CWF19L2: variants seen among roughly 807,000 people sequenced by gnomAD.
The protein encoded by CWF19L2 is CWF19-like protein 2.
A neutral mutation model predicts 111.7 loss-of-function variants in CWF19L2; 98 were observed. That is an observed-to-expected ratio of 0.88 (90% confidence interval 0.75 to 1.04). The LOEUF (loss-of-function observed/expected upper bound fraction) is 1.04. CWF19L2 is among the 50% of genes least tolerant of loss of function. The pLI is 0.00. For missense variants in CWF19L2, 1,101 were observed against 1,051.4 expected (o/e 1.05, Z -0.65); for synonymous variants, 351 against 342.9 (o/e 1.02, Z -0.26).
intron 10 of CWF19L2, among the ~76,000 whole-genome samples, chr11:107,398,406 C>T (rs1053677152): frequency 2.0e-5 from 3 of 152,062 alleles, no homozygotes; most frequent in Admixed American, 6.6e-5. Context: ...GTCTCAACAA[C>T]AAAATTGAAC....
At chr11:107,452,758 G>A (rs910412566) in intron 3 of CWF19L2, among the ~76,000 whole-genome samples, 5 of 152,234 alleles carry the variant, frequency 3.3e-5, no homozygotes, top group African/African-American at 1.2e-4. Context: ...TTGGAAGGCT[G>A]AGGCAGGAGA....
At chr11:107,380,551 A>C (rs561195097) in intron 12 of CWF19L2, among the ~76,000 whole-genome samples, 1 of 152,332 alleles carries the variant, frequency 6.6e-6, no homozygotes, top group African/African-American at 2.4e-5. Context: ...TTTACAAAAA[A>C]CAAAACAAAA....
At chr11:107,378,378 C>T (rs1860627652) in intron 12 of CWF19L2, among the ~76,000 whole-genome samples, 1 of 151,208 alleles carries the variant, frequency 6.6e-6, no homozygotes, top group East Asian at 1.9e-4. Flanking sequence ...AAATGTCCAA[C>T]AATGATAGAC....
At chr11:107,438,011 A>C (rs554506) in intron 6 of CWF19L2, among the ~76,000 whole-genome samples, 26,912 of 152,150 alleles carry the variant, frequency 0.18, 2,563 homozygotes, top group Middle Eastern at 0.27. Flanking sequence ...AGTTGAAAGA[A>C]AAAAAAAGAA....
intron 10 of CWF19L2, among the ~76,000 whole-genome samples, chr11:107,411,107 A>G (rs2135393544): frequency 6.6e-6 from 1 of 151,820 alleles, no homozygotes; most frequent in East Asian, 2.0e-4. Context: ...ACACACACAC[A>G]CACACACACA....
At chr11:107,450,823 T>C (rs1861768055) in intron 3 of CWF19L2, among the ~76,000 whole-genome samples, 1 of 152,164 alleles carries the variant, frequency 6.6e-6, no homozygotes, top group Non-Finnish European at 1.5e-5. Context: ...AGGAGCTGTC[T>C]ATGTACCTAA....
chr11:107,409,369 T>C (rs1355240514), intron 10 of CWF19L2, among the ~76,000 whole-genome samples: 15 of 152,112 alleles, frequency 9.9e-5, no homozygotes, highest in Admixed American at 9.8e-4. Flanking sequence ...AAAGAGAATG[T>C]CCATAAACCC....
intron 10 of CWF19L2, among the ~76,000 whole-genome samples, chr11:107,393,176 C>T (rs510279): frequency 0.54 from 81,737 of 151,764 alleles, 23,056 homozygotes; most frequent in African/African-American, 0.72. Context: ...TAAAAGATGA[C>T]GAAGTATCAA....
chr11:107,437,886 T>C (rs1428087025), intron 6 of CWF19L2, among the ~76,000 whole-genome samples: 2 of 152,174 alleles, frequency 1.3e-5, no homozygotes, highest in Non-Finnish European at 2.9e-5. Flanking sequence ...TACATAGTAA[T>C]AGTTGAGTGA....
In CWF19L2 at chr11:107,353,664, G is replaced by A. The variant is rs146937549; in HGVS notation, c.1945C>T (p.Arg649Cys). The part of the protein sequence containing the change: ...MFVSKAAERE[R>C]LGEEEENQRK... ...TGGTTCTCTTCCTCTTCACCAAGAC[G>A]TTCTCTCTCAGCTGCTTTGGAGACA... The change falls in exon 13 of 18, where the codon CGT becomes TGT. Residue 649 changes from arginine (R) to cysteine (C), a missense_variant. Transcript: ENST00000282251. 23 of 1,613,690 alleles carry A rather than the reference G, an allele frequency of 1.4e-5. No individual in the cohort carries two copies. Among genetic ancestry groups the A allele is most frequent in the African/African-American group, 6.7e-5 (5 of 75,008 alleles).
chr11:107,425,573 T>C (rs907827556), intron 8 of CWF19L2, among the ~76,000 whole-genome samples: 1 of 151,928 alleles, frequency 6.6e-6, no homozygotes, highest in Non-Finnish European at 1.5e-5. Context: ...ATCTGCCTAA[T>C]GACAATTTCT....
At chr11:107,357,843 T>C (rs1263566919) in intron 12 of CWF19L2, among the ~76,000 whole-genome samples, 1 of 152,168 alleles carries the variant, frequency 6.6e-6, no homozygotes, top group Non-Finnish European at 1.5e-5. Context: ...TTTTAACAGA[T>C]AGACTGGTAA....
At chr11:107,428,671 T>G in intron 8 of CWF19L2, 128 bp downstream of exon 8, 1 of 752,942 alleles carries the variant, frequency 1.3e-6, no homozygotes. Context: ...CTGCATATCT[T>G]ACCCCTTCTA....
intron 8 of CWF19L2, among the ~76,000 whole-genome samples, chr11:107,421,438 C>T (rs1489560151): frequency 2.0e-5 from 3 of 151,984 alleles, no homozygotes; most frequent in African/African-American, 7.2e-5. Context: ...ACAATAAATT[C>T]AGTGAAACCA....
rs562236376 is a variant in CWF19L2, at chr11:107,429,600, C to T, written c.781-149G>A. ...AGAAGACCCATACAATCATCCTATA[C>T]GGAAACGAATACTTTCTAAAAATGT... is the stretch of plus-strand genomic sequence containing the variant. On this transcript the variant is annotated intron_variant, in intron 7 of 17. Transcript: ENST00000282251. 228 of 559,478 alleles carry T rather than the reference C, an allele frequency of 4.1e-4. 1 individual carries two copies. The South Asian group carries it at 5.3e-3, about 13-fold the overall frequency. 34.7% of individuals were successfully genotyped at this position (559,478 alleles called of 1,614,324 possible).
Position 107,402,873 on chromosome 11 carries a change from G to GTGTATATATATATATATA in CWF19L2, c.1618-9979_1618-9978insTATATATATATATATACA, listed in dbSNP as rs1247886311. ...CGAGTGGATAAACAAACTGTGGTGTGTATATATATATATATATATATATAT... is the reference window on the plus strand; with the variant it reads ...CGAGTGGATAAACAAACTGTGGTGTGTGTATATATATATATATATATATATATATATATATATATATAT... On this transcript the variant is annotated intron_variant, in intron 10 of 17. Transcript: ENST00000282251. 3.8e-4 allele frequency among the ~76,000 whole-genome samples: 36 copies of GTGTATATATATATATATA among 94,414 alleles called. 1 individual carries two copies. Among genetic ancestry groups the GTGTATATATATATATATA allele is most frequent in the African/African-American group, 1.6e-3 (34 of 20,680 alleles). 61.9% of individuals were successfully genotyped at this position (94,414 alleles called of 152,430 possible). A position where few individuals can be genotyped will look rare whatever the true frequency, so the allele number is the denominator to read the frequency against.
chr11:107,336,659 A>T lies in CWF19L2; in HGVS notation c.2257T>A (p.Phe753Ile). 1 of 1,587,906 alleles carries T rather than the reference A, an allele frequency of 6.3e-7. No individual in the cohort carries two copies. Among genetic ancestry groups the T allele is most frequent in the Non-Finnish European group, 8.6e-7 (1 of 1,162,164 alleles). Residue 753 changes from phenylalanine (F) to isoleucine (I), a missense_variant, in exon 15 of 18, where the codon TTT becomes ATT. By Grantham distance (21) the Phe-to-Ile change is conservative. Transcript: ENST00000282251. ...TTCATGCTCATATTAGTTTCCAAAA[A>T]AATGCAGTCTAATCCTTTATCTTCA... ...MFEDKGLDCI[F>I]LETNMSMKKQ...
Position 107,454,454 on chromosome 11 carries a change from G to T in CWF19L2, c.335C>A (p.Ser112Ter). ...TTAATTTTAGTACATACTTACTGAT[G>T]AGCTATCAGATGACTCATTGTTTTT... ...YEKNNESSDS[S>*]SSSEDEWVEA... The change falls in exon 3 of 18, where the codon TCA (serine) becomes TAA (stop). Residue 112 changes from serine to a stop codon, truncating the protein, a stop_gained. Transcript: ENST00000282251. LOFTEE classifies it high-confidence loss of function. 7.1e-7 allele frequency: 1 copy of T among 1,416,042 alleles called. No homozygotes were observed. The highest frequency in any genetic ancestry group is 9.2e-7 in the Non-Finnish European group (1 of 1,086,436). 87.7% of individuals were successfully genotyped at this position (1,416,042 alleles called of 1,614,324 possible). A position where few individuals can be genotyped will look rare whatever the true frequency, so the allele number is the denominator to read the frequency against.
Position 107,371,671 on chromosome 11 carries a change from G to A in CWF19L2, c.1873-17935C>T, listed in dbSNP as rs1464854416. On this transcript the variant is annotated intron_variant, in intron 12 of 17. Coordinates refer to ENST00000282251, the MANE Select transcript of CWF19L2 (RefSeq NM_152434.3). ...ATTTATATTCAATTCTTGATTCTGTGCACTACAAATTAATCACATGTTCCA... is the reference window on the plus strand; with the variant it reads ...ATTTATATTCAATTCTTGATTCTGTACACTACAAATTAATCACATGTTCCA... 2.9e-5 allele frequency among the ~76,000 whole-genome samples: 4 copies of A among 137,094 alleles called. 1 individual carries two copies. Among genetic ancestry groups the A allele is most frequent in the Non-Finnish European group, 4.7e-5 (3 of 64,160 alleles). The allele number at this position is 137,094 out of a possible 152,430, so 89.9% of individuals were successfully genotyped here.
Sources: allele counts gnomAD v4.1 joint callset (sites outside exome capture counted in the v4.1 genomes callset), GRCh38; gene constraint gnomAD v4.1.1; transcripts MANE v1.5; gene names NCBI Gene and HGNC (gene_info 2026-07-23, HGNC 2026-07-21).